SYNE1: variants seen among roughly 807,000 people sequenced by gnomAD.
SYNE1 encodes nesprin-1.
In SYNE1, 616 loss-of-function variants were observed where a neutral mutation model predicts 1,111.0. The ratio of observed to expected loss-of-function variants is 0.55; its 90% CI spans 0.52 to 0.59. The LOEUF is 0.59. Ranked by LOEUF, SYNE1 falls within the 20% of genes least tolerant of loss-of-function variation. SYNE1 has a pLI of 0.00. For synonymous variants in SYNE1, 3,855 were observed against 3,825.8 expected (o/e 1.01, Z -0.28); for missense variants, 10,006 against 10,417.0 (o/e 0.96, Z 1.72).
At chr6:152,140,946 A>C (rs2058390890) in intron 139 of SYNE1, among the ~76,000 whole-genome samples, 1 of 152,078 alleles carries the variant, frequency 6.6e-6, no homozygotes, top group African/African-American at 2.4e-5. Context: ...GAGGCGGGAG[A>C]ATGCCATGAA....
chr6:152,469,849 T>C (rs890552133), intron 16 of SYNE1, among the ~76,000 whole-genome samples: 1 of 152,162 alleles, frequency 6.6e-6, no homozygotes, highest in Non-Finnish European at 1.5e-5. Context: ...CTCCTTGGTA[T>C]CTAAAACAAT....
chr6:152,197,138 C>T (rs2763021), intron 127 of SYNE1, among the ~76,000 whole-genome samples: 4 of 152,108 alleles, frequency 2.6e-5, no homozygotes, highest in South Asian at 2.1e-4. Context: ...GCTGGGGCAC[C>T]GAAAAGAAGA....
chr6:152,589,349 C>T (rs1050474892), intron 3 of SYNE1, among the ~76,000 whole-genome samples: 3 of 152,128 alleles, frequency 2.0e-5, no homozygotes, highest in African/African-American at 7.2e-5. Context: ...AAACCATTTT[C>T]TACCATGAAA....
chr6:152,546,325 A>G (rs1413130421), intron 3 of SYNE1: 1 of 152,236 alleles, frequency 6.6e-6, no homozygotes, highest in Non-Finnish European at 1.5e-5. Context: ...AAATATGACC[A>G]TAAATTCTTC....
chr6:152,171,949 G>A (rs1052104057), intron 130 of SYNE1, among the ~76,000 whole-genome samples: 2 of 152,176 alleles, frequency 1.3e-5, no homozygotes, highest in Non-Finnish European at 2.9e-5. Flanking sequence ...ATAGCAAGAA[G>A]CATAGTACTT....
intron 25 of SYNE1, among the ~76,000 whole-genome samples, chr6:152,452,025 A>G (rs1335151775): frequency 6.6e-6 from 1 of 151,090 alleles, no homozygotes; most frequent in Non-Finnish European, 1.5e-5. Context: ...AAAAAAAAAG[A>G]AAACATAGCC....
intron 46 of SYNE1, among the ~76,000 whole-genome samples, chr6:152,402,205 C>T (rs900123901): frequency 6.6e-6 from 1 of 152,168 alleles, no homozygotes; most frequent in Non-Finnish European, 1.5e-5. Context: ...ATTCATTCCT[C>T]CTCCCATAGG....
rs1273801045 is a variant in SYNE1 at position 152,483,209 on chromosome 6, G to T, written c.1226C>A (p.Ala409Glu). The T allele has an allele frequency of 6.2e-7, 1 of 1,614,198 alleles. No homozygotes were observed. ...CCAGGCACCTATGGTGCCCAGAGGTGCAGGAAGAGATTTATCAAGCTGTAT... is the reference window on the plus strand; with the variant it reads ...CCAGGCACCTATGGTGCCCAGAGGTTCAGGAAGAGATTTATCAAGCTGTAT... ...WHIQLDKSLP[A>E]PLGTIGAWLY... is the part of the protein sequence containing the mutation. Residue 409 changes from alanine (A) to glutamate (E), a missense_variant, in exon 14 of 146, where the codon GCA (alanine) becomes GAA (glutamate). Around this residue, in one of 7 missense-constraint regions of SYNE1, gnomAD observed 1,971 missense variants for 2,084.1 expected, o/e 0.95. Coordinates refer to ENST00000367255, the MANE Select transcript of SYNE1 (RefSeq NM_182961.4).
At chr6:152,475,682 T>A (rs2098830813) in intron 14 of SYNE1, among the ~76,000 whole-genome samples, 1 of 152,312 alleles carries the variant, frequency 6.6e-6, no homozygotes, top group Middle Eastern at 3.4e-3. Context: ...AAGGAGAACC[T>A]GAACTATCAA....
chr6:152,594,365 C>T (rs1010506911), intron 3 of SYNE1, among the ~76,000 whole-genome samples: 1 of 152,090 alleles, frequency 6.6e-6, no homozygotes, highest in Non-Finnish European at 1.5e-5. Flanking sequence ...AAAACTAGGA[C>T]ACATGAATGA....
At chr6:152,534,240 G>A (rs975678505) in intron 4 of SYNE1, among the ~76,000 whole-genome samples, 43 of 151,900 alleles carry the variant, frequency 2.8e-4, no homozygotes, top group African/African-American at 9.9e-4. Flanking sequence ...TTCTAAAGAA[G>A]GAACTTTGAC....
At chr6:152,224,199 A>G (rs959582170) in intron 117 of SYNE1, among the ~76,000 whole-genome samples, 1 of 152,236 alleles carries the variant, frequency 6.6e-6, no homozygotes, top group Admixed American at 6.5e-5. Context: ...AGTGACAATG[A>G]ATCAAGGAGG....
intron 91 of SYNE1, among the ~76,000 whole-genome samples, chr6:152,307,648 G>A (rs572605279): frequency 9.2e-5 from 14 of 152,286 alleles, no homozygotes; most frequent in African/African-American, 3.4e-4. Flanking sequence ...TGCACAAGGA[G>A]TGGTCAAGTC....
chr6:152,297,731 C>T (rs562506777), intron 93 of SYNE1, among the ~76,000 whole-genome samples: 5 of 150,870 alleles, frequency 3.3e-5, no homozygotes, highest in Admixed American at 6.6e-5. Context: ...CCCAAAAGAG[C>T]TAGAATAAAA....
chr6:152,321,179 C>T, intron 84 of SYNE1, 59 bp downstream of exon 84: 1 of 1,596,100 alleles, frequency 6.3e-7, no homozygotes, highest in South Asian at 1.1e-5. Flanking sequence ...AACTCTCACA[C>T]AAGAGGACTG....
At chr6:152,482,725 G>A (rs562382217) in intron 14 of SYNE1, among the ~76,000 whole-genome samples, 1 of 152,214 alleles carries the variant, frequency 6.6e-6, no homozygotes, top group Non-Finnish European at 1.5e-5. Flanking sequence ...CTTCCTTTGA[G>A]AATGGAGGCA....
Position 152,263,094 on chromosome 6 carries a change from C to G in SYNE1, c.18816-906G>C, listed in dbSNP as rs6903292. ...GGACCTGGGAAGGTAGTATAGGACA[C>G]GGAAAGATAGTACAGGGCCTGGGAA... On this transcript the variant is annotated intron_variant, in intron 100 of 145. Coordinates refer to ENST00000367255, the MANE Select transcript of SYNE1 (RefSeq NM_182961.4). Among the ~76,000 whole-genome samples, 192 of 148,082 alleles carry G rather than the reference C, an allele frequency of 1.3e-3. 1 individual carries two copies. The highest frequency in any genetic ancestry group is 4.6e-3 in the African/African-American group (185 of 39,880).
intron 16 of SYNE1, among the ~76,000 whole-genome samples, chr6:152,468,380 G>T (rs188181538): frequency 1.3e-4 from 20 of 152,172 alleles, no homozygotes; most frequent in Admixed American, 1.3e-3. Context: ...TCATGTGAAA[G>T]ATTGAAATAT....
In SYNE1 at chr6:152,164,440, C is replaced by T. The variant is rs555069928; in HGVS notation, c.23628-115G>A. On this transcript the variant is annotated intron_variant, in intron 130 of 145. Coordinates refer to ENST00000367255, the MANE Select transcript of SYNE1 (RefSeq NM_182961.4). The stretch of plus-strand genomic sequence containing the variant: ...ATCTTTTTAGGCAGAGTTAGAAACT[C>T]ATGTGGAAGAAGCCAAAGACAGAAG... 6.4e-6 allele frequency: 8 copies of T among 1,251,382 alleles called. No individual in the cohort carries two copies. In the African/African-American group the frequency reaches 1.0e-4, roughly 16 times the overall value. 77.5% of individuals were successfully genotyped at this position (1,251,382 alleles called of 1,614,324 possible). A position where few individuals can be genotyped will look rare whatever the true frequency, so the allele number is the denominator to read the frequency against.
Sources: allele counts gnomAD v4.1 joint callset (sites outside exome capture counted in the v4.1 genomes callset), GRCh38; gene constraint gnomAD v4.1.1; regional missense constraint gnomAD v4.1.1; transcripts MANE v1.5; gene names NCBI Gene and HGNC (gene_info 2026-07-23, HGNC 2026-07-21).